The following KDM3B variants were observed in gnomAD, a reference collection of about 807,000 sequenced individuals.
The protein encoded by KDM3B is lysine-specific demethylase 3B.
KDM3B carries 10 observed loss-of-function variants against 170.0 expected under a neutral mutation model. The observed-to-expected ratio is 0.06, with a 90% CI of 0.04 to 0.10. The LOEUF is 0.10. KDM3B is among the 10% of genes least tolerant of loss of function. The pLI, the probability that KDM3B is intolerant of heterozygous loss-of-function variation, is 1.00. For missense variants in KDM3B, 1,394 were observed against 2,195.2 expected (o/e 0.64, Z 7.29); for synonymous variants, 831 against 834.8 (o/e 1.00, Z 0.08).
chr5:138,410,435 G>A (rs185794137), intron 11 of KDM3B, among the ~76,000 whole-genome samples: 1,744 of 152,134 alleles, frequency 0.011, 26 homozygotes, highest in Non-Finnish European at 0.012. Flanking sequence ...TTCAGTGGGG[G>A]AAAGGATAAC....
intron 14 of KDM3B, among the ~76,000 whole-genome samples, 168 bp from the exon 15 acceptor site, chr5:138,420,538 A>G (rs1189360121): frequency 6.6e-6 from 1 of 152,168 alleles, no homozygotes; most frequent in African/African-American, 2.4e-5. Context: ...GAGACCTCCT[A>G]TAATTATAGC....
chr5:138,365,360 C>T (rs1446032095), intron 1 of KDM3B, among the ~76,000 whole-genome samples: 3 of 152,046 alleles, frequency 2.0e-5, no homozygotes, highest in Non-Finnish European at 4.4e-5. Context: ...GGGGTTCAAG[C>T]GATTCTCCTG....
At chr5:138,417,668 A>G in intron 13 of KDM3B, 58 bp downstream of exon 13, 1 of 1,572,800 alleles carries the variant, frequency 6.4e-7, no homozygotes, top group African/African-American at 1.3e-5. Flanking sequence ...GTACCAGGAA[A>G]TGCCCCCTTT....
chr5:138,356,768 G>A (rs976656358), intron 1 of KDM3B, among the ~76,000 whole-genome samples: 4 of 148,154 alleles, frequency 2.7e-5, no homozygotes, highest in Non-Finnish European at 3.0e-5. Context: ...TCAGCCTCCC[G>A]AGTAGTTGGG....
At chr5:138,384,357 T>A (rs1762202374) in intron 6 of KDM3B, among the ~76,000 whole-genome samples, 1 of 152,012 alleles carries the variant, frequency 6.6e-6, no homozygotes. Flanking sequence ...CCCAGCACTT[T>A]GGGAGGCCGA....
At position 138,391,431 on chromosome 5, in the gene KDM3B, C is replaced by T; in HGVS notation, c.1799C>T (p.Thr600Ile). The stretch of plus-strand genomic sequence containing the variant: ...AAAGTGCCTGCAGAGTCCATGCCCA[C>T]CCTCACTCCAGCCTTCCCACGGAGC... ...DRKVPAESMP[T>I]LTPAFPRSLL... The change falls in exon 8 of 24, where the codon ACC becomes ATC. Residue 600 changes from threonine (T) to isoleucine (I), a missense_variant. Thr to Ile is a moderately conservative substitution (Grantham distance 89). Transcript: ENST00000314358. The surrounding 1 kb of genome is among the most constrained non-coding windows in gnomAD (Gnocchi z 5.0). 1 of 1,613,850 alleles carries T rather than the reference C, an allele frequency of 6.2e-7. No individual in the cohort carries two copies. The highest frequency in any genetic ancestry group is 8.5e-7 in the Non-Finnish European group (1 of 1,179,886).
In KDM3B at chr5:138,386,159, G is replaced by T; in HGVS notation, c.918G>T (p.Arg306Ser). The T allele has an allele frequency of 6.2e-7, 1 of 1,614,168 alleles. No homozygotes were observed. Among genetic ancestry groups the T allele is most frequent in the Non-Finnish European group, 8.5e-7 (1 of 1,180,026 alleles). The change falls in exon 7 of 24, where the codon AGG (arginine) becomes AGT (serine). Residue 306 changes from arginine (R) to serine (S), a missense_variant. By Grantham distance (110) the Arg-to-Ser change is moderately radical. Transcript: ENST00000314358. ...CATCAAAGAAATTAAAAGGAGACAG[G>T]GGTGAAGTAGACAGTAATGGGAGCG... Reference protein sequence around the residue: ...DPASKKLKGDRGEVDSNGSDG... With the variant: ...DPASKKLKGDSGEVDSNGSDG...
intron 1 of KDM3B, among the ~76,000 whole-genome samples, chr5:138,369,541 A>T (rs756698314): frequency 6.6e-6 from 1 of 152,180 alleles, no homozygotes; most frequent in Non-Finnish European, 1.5e-5. Flanking sequence ...TGACAGCTGG[A>T]TGAAGCCCCA....
At chr5:138,426,450 C>T (rs528472853) in intron 17 of KDM3B, among the ~76,000 whole-genome samples, 1 of 151,560 alleles carries the variant, frequency 6.6e-6, no homozygotes, top group African/African-American at 2.4e-5. Context: ...TGGCAGACAC[C>T]TATAGTCCCA....
chr5:138,396,512 C>T (rs942907871), intron 9 of KDM3B, among the ~76,000 whole-genome samples: 5 of 152,076 alleles, frequency 3.3e-5, no homozygotes, highest in Non-Finnish European at 7.4e-5. Flanking sequence ...CAGCAGTGAT[C>T]TGATACAGAA....
intron 11 of KDM3B, among the ~76,000 whole-genome samples, chr5:138,406,707 A>G (rs766564197): frequency 4.5e-4 from 68 of 152,272 alleles, no homozygotes; most frequent in Non-Finnish European, 6.3e-4. Flanking sequence ...GATATTTTAT[A>G]TGTGCTAATC....
intron 6 of KDM3B, among the ~76,000 whole-genome samples, chr5:138,384,954 G>C (rs981859671): frequency 2.0e-5 from 3 of 151,346 alleles, no homozygotes; most frequent in Non-Finnish European, 4.4e-5. Flanking sequence ...TAGAAACTTA[G>C]ATAATATTAC....
intron 1 of KDM3B, among the ~76,000 whole-genome samples, chr5:138,363,275 C>G (rs976613392): frequency 1.3e-5 from 2 of 152,176 alleles, no homozygotes; most frequent in Admixed American, 6.5e-5. Flanking sequence ...ATGTTCACTT[C>G]CGATTTATTA....
chr5:138,393,476 C>T (rs1156422267), intron 9 of KDM3B, 104 bp downstream of exon 9: 6 of 909,872 alleles, frequency 6.6e-6, no homozygotes, highest in South Asian at 1.6e-5. Context: ...TTGGTCTTTG[C>T]TTTCCTCAAC....
At chr5:138,354,050 T>C (rs981112328) in intron 1 of KDM3B, among the ~76,000 whole-genome samples, 7 of 152,210 alleles carry the variant, frequency 4.6e-5, no homozygotes, top group Non-Finnish European at 7.3e-5. Flanking sequence ...TTTGCAGATA[T>C]AAACGGGAAC....
chr5:138,435,779 C>A lies in KDM3B; in HGVS notation c.*79C>A. Reference sequence around the variant, plus strand: ...TAACAGGGAACGGCAGGGCTCTTTGCTGGAGCAGAGGCCCTTCACCCAGAG... The same window carrying A: ...TAACAGGGAACGGCAGGGCTCTTTGATGGAGCAGAGGCCCTTCACCCAGAG... On this transcript the variant is annotated 3_prime_UTR_variant, in exon 24 of 24. Coordinates refer to ENST00000314358, the MANE Select transcript of KDM3B (RefSeq NM_016604.4). The A allele has an allele frequency of 1.7e-6, 2 of 1,152,724 alleles. No individual in the cohort carries two copies. Among genetic ancestry groups the A allele is most frequent in the Non-Finnish European group, 1.3e-6 (1 of 786,094 alleles). 71.4% of individuals were successfully genotyped at this position (1,152,724 alleles called of 1,614,324 possible).
rs1761683149 is a variant in KDM3B, at chr5:138,364,012, C to G, written c.193-8662C>G. 2.0e-5 allele frequency among the ~76,000 whole-genome samples: 3 copies of G among 151,082 alleles called. No individual in the cohort carries two copies. In the South Asian group the frequency reaches 6.3e-4, roughly 32 times the overall value. ...GCTCACTGCAACCTCCGCCTCCCGA[C>G]TTCAAGTCATTCTCCTTCCTCAGCC... On this transcript the variant is annotated intron_variant, in intron 1 of 23. Coordinates refer to ENST00000314358, the MANE Select transcript of KDM3B (RefSeq NM_016604.4).
At chr5:138,355,935 C>T (rs1002179880) in intron 1 of KDM3B, among the ~76,000 whole-genome samples, 8 of 152,148 alleles carry the variant, frequency 5.3e-5, no homozygotes, top group African/African-American at 1.4e-4. Context: ...AACATTCAAC[C>T]GTATACAAAG....
At chr5:138,357,681 C>T (rs538355886) in intron 1 of KDM3B, among the ~76,000 whole-genome samples, 9 of 151,638 alleles carry the variant, frequency 5.9e-5, no homozygotes, top group African/African-American at 2.2e-4. Context: ...TTATTTTTAC[C>T]TTTAGATTTT....
Sources: allele counts gnomAD v4.1 joint callset (sites outside exome capture counted in the v4.1 genomes callset), GRCh38; gene constraint gnomAD v4.1.1; non-coding constraint Gnocchi (gnomAD v3.1); transcripts MANE v1.5; gene names NCBI Gene and HGNC (gene_info 2026-07-23, HGNC 2026-07-21).